FBXL19: variants seen among roughly 807,000 people sequenced by gnomAD.
FBXL19 encodes the protein F-box/LRR-repeat protein 19.
Under a neutral mutation model 71.2 loss-of-function variants are expected in FBXL19, and 16 were observed. The ratio of observed to expected loss-of-function variants is 0.22; its 90% CI spans 0.15 to 0.34. The LOEUF (loss-of-function observed/expected upper bound fraction) is 0.34, where lower values mean the gene tolerates loss of function less well. Ranked by LOEUF, FBXL19 falls within the 10% of genes least tolerant of loss-of-function variation. FBXL19 has a pLI of 1.00. For missense variants in FBXL19, 658 were observed against 968.2 expected, an observed-to-expected ratio of 0.68 and a Z score of 4.25; for synonymous variants, 447 against 409.4, an observed-to-expected ratio of 1.09 and a Z score of -1.11.
chr16:30,924,627 C>T, intron 1 of FBXL19, 168 bp downstream of exon 1: 3 of 1,379,778 alleles, frequency 2.2e-6, no homozygotes, highest in Admixed American at 4.0e-5. Context: ...GGGAACTGGC[C>T]CTCCTTCCTA....
chr16:30,929,797 T>G (rs2055647783), intron 6 of FBXL19, among the ~76,000 whole-genome samples: 2 of 152,148 alleles, frequency 1.3e-5, no homozygotes, highest in South Asian at 4.2e-4. Context: ...CTCGTGATCC[T>G]CCCGCCTCGG....
chr16:30,941,970 T>C lies in FBXL19; in HGVS notation c.1302-146T>C, dbSNP rs1596656657. On this transcript the variant is annotated intron_variant, in intron 7 of 10. Coordinates refer to ENST00000338343, the MANE Select transcript of FBXL19 (RefSeq NM_001382779.1). ...AGTTGGGTTCCAATCCCAGTGCTCT[T>C]GGCTGAGGTCAGGTGCTTCTTGCTA... 1.3e-5 allele frequency: 11 copies of C among 846,732 alleles called. No homozygotes were observed. The East Asian group carries it at 2.9e-4, about 23-fold the overall frequency. The allele number at this position is 846,732 out of a possible 1,614,324, so 52.5% of individuals were successfully genotyped here.
At position 30,947,056 on chromosome 16, in the gene FBXL19, C is replaced by T. The variant is rs868197408; in HGVS notation, c.1851C>T (p.Cys617=). Residue 617 remains cysteine (C), a synonymous_variant, in exon 11 of 11, where the codon TGC becomes TGT. Coordinates refer to ENST00000338343, the MANE Select transcript of FBXL19 (RefSeq NM_001382779.1). ...GCTCCACTGCCCCATCCCCAGGTTG[C>T]CACCGCCTAACGGACCACTGCCTCC... ...ETLVHLNLAG[C]HRLTDHCLPL... The T allele has an allele frequency of 6.3e-7, 1 of 1,591,468 alleles. No individual in the cohort carries two copies. The highest frequency in any genetic ancestry group is 8.5e-7 in the Non-Finnish European group (1 of 1,172,450).
intron 5 of FBXL19, 98 bp downstream of exon 5, chr16:30,928,061 T>C (rs1167573880): frequency 3.6e-6 from 3 of 831,752 alleles, no homozygotes; most frequent in African/African-American, 3.5e-5. Context: ...GGGAGCGTGC[T>C]CTGTGGGTTC....
At position 30,925,991 on chromosome 16, in the gene FBXL19, C is replaced by G; in HGVS notation, c.177+60C>G. On this transcript the variant is annotated intron_variant, in intron 2 of 10. Transcript: ENST00000338343. This position sits in a 1 kb window ranked among gnomAD's most constrained non-coding sequence, Gnocchi z 5.0. ...CCTTCCCAATACCTTCTTGGAATGG[C>G]TGGTGACTGCCTCCCAGCCTGTACT... 1 of 1,419,256 alleles carries G rather than the reference C, an allele frequency of 7.0e-7. No individual in the cohort carries two copies. The highest frequency in any genetic ancestry group is 9.2e-7 in the Non-Finnish European group (1 of 1,089,746). The allele number at this position is 1,419,256 out of a possible 1,614,324, so 87.9% of individuals were successfully genotyped here. A position where few individuals can be genotyped will look rare whatever the true frequency, so the allele number is the denominator to read the frequency against.
chr16:30,947,024 G>C, intron 10 of FBXL19, 28 bp from the exon 11 acceptor site: 7 of 1,580,188 alleles, frequency 4.4e-6, no homozygotes, highest in Non-Finnish European at 6.0e-6. Flanking sequence ...TCACCTGCCT[G>C]GTCTCAGCTC....
Position 30,930,431 on chromosome 16 carries a change from G to A in FBXL19, c.1148G>A (p.Arg383Gln), listed in dbSNP as rs1238496314. 6.6e-7 allele frequency: 1 copy of A among 1,525,234 alleles called. No homozygotes were observed. The highest frequency in any genetic ancestry group is 8.8e-7 in the Non-Finnish European group (1 of 1,140,772). 94.5% of individuals were successfully genotyped at this position (1,525,234 alleles called of 1,614,324 possible). The change falls in exon 7 of 11, where the codon CGG (arginine) becomes CAG (glutamine). Residue 383 changes from arginine (R) to glutamine (Q), a missense_variant. Around this residue, in one of 8 missense-constraint regions of FBXL19, gnomAD observed 447 missense variants for 515.4 expected, o/e 0.87. Coordinates refer to ENST00000338343, the MANE Select transcript of FBXL19 (RefSeq NM_001382779.1). The surrounding 1 kb of genome is among the most constrained non-coding windows in gnomAD (Gnocchi z 8.5). ...CCACAGCTGGAGCGGCACGTGGTGC[G>A]GCCCCCGCCTCGAAGCCCTGAGCCC... ...RPPQLERHVV[R>Q]PPPRSPEPDT...
upstream of FBXL19, chr16:30,923,334 ACGCCCT>A: frequency 2.4e-6 from 1 of 410,170 alleles, no homozygotes; most frequent in Non-Finnish European, 5.0e-6. Flanking sequence ...CCGGCTGGGC[ACGCCCT>A]CCGCCGTCCT....
intron 7 of FBXL19, among the ~76,000 whole-genome samples, chr16:30,940,495 A>G (rs2055791192): frequency 1.3e-5 from 2 of 151,982 alleles, no homozygotes; most frequent in African/African-American, 4.8e-5. Context: ...ATTTCTGGAC[A>G]TGCCTTTGAG....
At chr16:30,933,193 G>A (rs556488692) in intron 7 of FBXL19, among the ~76,000 whole-genome samples, 1 of 152,140 alleles carries the variant, frequency 6.6e-6, no homozygotes, top group East Asian at 1.9e-4. Context: ...AGAAGAGACA[G>A]GGTTTCACCA....
chr16:30,923,607 T>TGA lies in FBXL19; in HGVS notation c.-871_-870dup, dbSNP rs1242760833. Reference sequence around the variant, plus strand: ...GAAGGAGGAAGGAGCTGAGGAGGGATGAGAGAGGCGGCCAGGGCCCCGGGC... The same window carrying TGA: ...GAAGGAGGAAGGAGCTGAGGAGGGATGAGAGAGAGGCGGCCAGGGCCCCGGGC... On this transcript the variant is annotated 5_prime_UTR_variant, in exon 1 of 11. The change abolishes the stop of an existing upstream ORF in the 5' untranslated region. Transcript: ENST00000338343. 2.8e-5 allele frequency among the ~76,000 whole-genome samples: 4 copies of TGA among 144,248 alleles called. No homozygotes were observed. The highest frequency in any genetic ancestry group is 6.1e-5 in the Non-Finnish European group (4 of 65,342). The allele number at this position is 144,248 out of a possible 152,430, so 94.6% of individuals were successfully genotyped here.
chr16:30,927,770 G>GTAGGGCCGACAAC lies in FBXL19; in HGVS notation c.435_447dup (p.Gly150Ter). ...GATTCAGGTGAGGGGCCTGGCCGCC[G>GTAGGGCCGACAAC]TAGGGCCGACAACGGCGAGGAGGGC... On this transcript the variant is annotated frameshift_variant, in exon 5 of 11. Coordinates refer to ENST00000338343, the MANE Select transcript of FBXL19 (RefSeq NM_001382779.1). LOFTEE classifies it high-confidence loss of function. The GTAGGGCCGACAAC allele has an allele frequency of 6.4e-7, 1 of 1,557,376 alleles. No individual in the cohort carries two copies. The highest frequency in any genetic ancestry group is 2.4e-5 in the East Asian group (1 of 41,470).
At chr16:30,935,552 G>A (rs1045038942) in intron 7 of FBXL19, among the ~76,000 whole-genome samples, 1 of 152,200 alleles carries the variant, frequency 6.6e-6, no homozygotes, top group African/African-American at 2.4e-5. Context: ...AAGGCAGCAA[G>A]GAAGGGACTG....
In FBXL19 at chr16:30,947,674, T is replaced by TG. The variant is rs1308914311; in HGVS notation, c.*450dup. On this transcript the variant is annotated 3_prime_UTR_variant, in exon 11 of 11. Coordinates refer to ENST00000338343, the MANE Select transcript of FBXL19 (RefSeq NM_001382779.1). The stretch of plus-strand genomic sequence containing the variant: ...GGGAACAAAGACCAGTTACTTGGAG[T>TG]GGGGGGTGGGGGTGGGGCCACAAAA... The TG allele has an allele frequency of 9.3e-5, 12 of 129,020 alleles. No homozygotes were observed. The highest frequency in any genetic ancestry group is 2.2e-4 in the African/African-American group (1 of 4,596). The allele number at this position is 129,020 out of a possible 1,614,324, so 8.0% of individuals were successfully genotyped here.
chr16:30,938,231 AG>A (rs2055759769), intron 7 of FBXL19, among the ~76,000 whole-genome samples: 1 of 152,018 alleles, frequency 6.6e-6, no homozygotes, highest in African/African-American at 2.4e-5. Flanking sequence ...ACGTCACACC[AG>A]GGCTGGGCCC....
chr16:30,927,059 T>C (rs1455325505), intron 2 of FBXL19, among the ~76,000 whole-genome samples: 2 of 152,180 alleles, frequency 1.3e-5, no homozygotes, highest in Non-Finnish European at 2.9e-5. Flanking sequence ...TCGCGTATTA[T>C]TTTGCTCTCC....
At position 30,948,352 on chromosome 16, in the gene FBXL19, C is replaced by A. The variant is rs1323169253; in HGVS notation, c.*1122C>A. ...GAAATAGCAGCCAACGGACACCTCCCGATGCCAGTGCTAAGGCTGGAAATG... is the reference window on the plus strand; with the variant it reads ...GAAATAGCAGCCAACGGACACCTCCAGATGCCAGTGCTAAGGCTGGAAATG... On this transcript the variant is annotated 3_prime_UTR_variant, in exon 11 of 11. Coordinates refer to ENST00000338343, the MANE Select transcript of FBXL19 (RefSeq NM_001382779.1). 6.5e-6 allele frequency: 1 copy of A among 152,788 alleles called. No homozygotes were observed. The highest frequency in any genetic ancestry group is 1.5e-5 in the Non-Finnish European group (1 of 68,280). 9.5% of individuals were successfully genotyped at this position (152,788 alleles called of 1,614,324 possible). A position where few individuals can be genotyped will look rare whatever the true frequency, so the allele number is the denominator to read the frequency against.
In FBXL19 at chr16:30,927,905, G is replaced by T; in HGVS notation, c.569G>T (p.Gly190Val). 1 of 1,543,990 alleles carries T rather than the reference G, an allele frequency of 6.5e-7. No homozygotes were observed. The highest frequency in any genetic ancestry group is 1.2e-5 in the South Asian group (1 of 80,532). Residue 190 changes from glycine (G) to valine (V), a missense_variant, in exon 5 of 11, where the codon GGG becomes GTG. Gly to Val is a moderately radical substitution (Grantham distance 109). Around this residue, in one of 8 missense-constraint regions of FBXL19, gnomAD observed 447 missense variants for 515.4 expected, o/e 0.87. Transcript: ENST00000338343. ...PAGPPPEDVP[G>V]PPKRKEREAG... ...GGGCCCCCCCCGGAGGACGTGCCTG[G>T]GCCCCCCAAACGAAAGGAAAGGGAG...
chr16:30,923,195 T>C (rs2143290936), upstream of FBXL19: 1 of 456,346 alleles, frequency 2.2e-6, no homozygotes, highest in Admixed American at 2.4e-5. Flanking sequence ...GGCGTGTGAG[T>C]GCCTGGGAAG....
Sources: allele counts gnomAD v4.1 joint callset (sites outside exome capture counted in the v4.1 genomes callset), GRCh38; gene constraint gnomAD v4.1.1; regional missense constraint gnomAD v4.1.1; non-coding constraint Gnocchi (gnomAD v3.1); transcripts MANE v1.5; gene names NCBI Gene and HGNC (gene_info 2026-07-23, HGNC 2026-07-21).